TBC1D32: variants seen among roughly 807,000 people sequenced by gnomAD.
The protein encoded by TBC1D32 is TBC1 domain family member 32.
Under a neutral mutation model 170.3 loss-of-function variants are expected in TBC1D32, and 151 were observed. The ratio of observed to expected loss-of-function variants is 0.89; its 90% confidence interval spans 0.78 to 1.01. The LOEUF is 1.01. Ranked by LOEUF, TBC1D32 falls within the 50% of genes least tolerant of loss-of-function variation. The pLI is 0.00. For missense variants in TBC1D32, 1,464 were observed against 1,457.1 expected (o/e 1.00, Z -0.08); for synonymous variants, 498 against 488.0 (o/e 1.02, Z -0.27).
chr6:121,100,211 T>G lies in TBC1D32; in HGVS notation c.3465+5812A>C, dbSNP rs539228033. On this transcript the variant is annotated intron_variant, in intron 30 of 31. Transcript: ENST00000398212. ...ACTATGTGGTCAATTTTGGAATAAG[T>G]GCGATGTGGTGCTGAGAAGAATGTA... Among the ~76,000 whole-genome samples, 6 of 152,102 alleles carry G rather than the reference T, an allele frequency of 3.9e-5. No homozygotes were observed. The South Asian group carries it at 1.0e-3, about 26-fold the overall frequency.
chr6:121,268,987 C>G (rs979187404), intron 15 of TBC1D32, among the ~76,000 whole-genome samples: 1 of 152,102 alleles, frequency 6.6e-6, no homozygotes, highest in South Asian at 2.1e-4. Flanking sequence ...AATTTTCAAC[C>G]CAGAATTTCA....
chr6:121,252,697 T>C (rs1460782852), intron 17 of TBC1D32, among the ~76,000 whole-genome samples: 1 of 152,076 alleles, frequency 6.6e-6, no homozygotes, highest in African/African-American at 2.4e-5. Context: ...GTAACAAACC[T>C]GCATATTCTG....
intron 22 of TBC1D32, among the ~76,000 whole-genome samples, chr6:121,168,577 G>T (rs1350336667): frequency 1.7e-3 from 147 of 85,866 alleles, no homozygotes; most frequent in Non-Finnish European, 2.4e-3. Flanking sequence ...TCGGGGGAGG[G>T]GGGAGGGATA....
chr6:121,239,280 C>A, intron 19 of TBC1D32, 92 bp from the exon 20 acceptor site: 1 of 669,166 alleles, frequency 1.5e-6, no homozygotes. Flanking sequence ...TGAATCTGGT[C>A]TACTCTGACA....
intron 12 of TBC1D32, among the ~76,000 whole-genome samples, chr6:121,284,350 C>T (rs1440370463): frequency 6.6e-6 from 1 of 151,958 alleles, no homozygotes; most frequent in Non-Finnish European, 1.5e-5. Flanking sequence ...ATTTTGTGGC[C>T]AAATGGTCTC....
At chr6:121,269,699 T>G (rs942832154) in intron 15 of TBC1D32, among the ~76,000 whole-genome samples, 10 of 152,062 alleles carry the variant, frequency 6.6e-5, no homozygotes, top group Non-Finnish European at 1.5e-4. Context: ...ATTAGACAGA[T>G]CAAAGAGATA....
chr6:121,241,579 T>C (rs780686918), intron 18 of TBC1D32, 27 bp from the exon 19 acceptor site: 9 of 1,586,788 alleles, frequency 5.7e-6, no homozygotes, highest in Admixed American at 1.7e-5. Context: ...GGAACAGCAA[T>C]GAAAAGCAAC....
intron 21 of TBC1D32, among the ~76,000 whole-genome samples, chr6:121,211,232 G>GA (rs1380883801): frequency 6.6e-6 from 1 of 152,092 alleles, no homozygotes; most frequent in East Asian, 1.9e-4. Context: ...ATAAGTAACA[G>GA]AAAAATGCAA....
At chr6:121,102,143 C>G (rs931472906) in intron 30 of TBC1D32, among the ~76,000 whole-genome samples, 1 of 151,934 alleles carries the variant, frequency 6.6e-6, no homozygotes, top group African/African-American at 2.4e-5. Context: ...GAATCAACAC[C>G]GTGAAAATGG....
chr6:121,110,531 T>A (rs909868987), intron 29 of TBC1D32, among the ~76,000 whole-genome samples: 1 of 152,106 alleles, frequency 6.6e-6, no homozygotes, highest in East Asian at 1.9e-4. Flanking sequence ...ATTACAATAA[T>A]GTGAGGCTGA....
At position 121,101,719 on chromosome 6, in the gene TBC1D32, T is replaced by G. The variant is rs533380601; in HGVS notation, c.3465+4304A>C. Among the ~76,000 whole-genome samples, 63 of 152,248 alleles carry G rather than the reference T, an allele frequency of 4.1e-4. 1 individual carries two copies. In the East Asian group the frequency reaches 5.8e-3, roughly 14 times the overall value. On this transcript the variant is annotated intron_variant, in intron 30 of 31. Transcript: ENST00000398212. ...CTCTCACCACTCCTATTCAACATAG[T>G]GTTGGAAGTTCTGGCCAGGGCATTC...
Position 121,126,238 on chromosome 6 carries a change from G to A in TBC1D32, c.2983+140C>T, listed in dbSNP as rs146234871. Reference sequence around the variant, plus strand: ...CATTTACAAAGAAAAGAGGCTTAATGATATCTGGAATGTATATGGCACCAA... The same window carrying A: ...CATTTACAAAGAAAAGAGGCTTAATAATATCTGGAATGTATATGGCACCAA... On this transcript the variant is annotated intron_variant, in intron 26 of 31. Transcript: ENST00000398212. 5.5e-3 allele frequency: 2,931 copies of A among 534,416 alleles called. 13 individuals carry two copies. The highest frequency in any genetic ancestry group is 0.016 in the Middle Eastern group (32 of 2,010). The allele number at this position is 534,416 out of a possible 1,614,324, so 33.1% of individuals were successfully genotyped here.
At chr6:121,121,848 A>G (rs1780303361) in intron 26 of TBC1D32, among the ~76,000 whole-genome samples, 1 of 152,050 alleles carries the variant, frequency 6.6e-6, no homozygotes, top group South Asian at 2.1e-4. Flanking sequence ...ATTAGACACT[A>G]AGTCAGAATT....
intron 9 of TBC1D32, 22 bp downstream of exon 9, chr6:121,303,595 A>G (rs1422597685): frequency 1.3e-6 from 2 of 1,518,050 alleles, no homozygotes; most frequent in South Asian, 1.3e-5. Context: ...AAAAGGTATA[A>G]AAATATTCTA....
intron 30 of TBC1D32, among the ~76,000 whole-genome samples, chr6:121,104,012 TTACACTACA>T (rs1778432365): frequency 6.6e-6 from 1 of 151,854 alleles, no homozygotes; most frequent in South Asian, 2.1e-4. Context: ...GAGTATTCCT[TTACACTACA>T]TGCAATTCAT....
At chr6:121,158,065 A>C (rs1235878842) in intron 24 of TBC1D32, among the ~76,000 whole-genome samples, 1 of 152,168 alleles carries the variant, frequency 6.6e-6, no homozygotes, top group African/African-American at 2.4e-5. Flanking sequence ...AAACTTGGGA[A>C]AATTTTGATG....
At chr6:121,221,059 T>G (rs1415353686) in intron 21 of TBC1D32, among the ~76,000 whole-genome samples, 1 of 152,158 alleles carries the variant, frequency 6.6e-6, no homozygotes, top group Non-Finnish European at 1.5e-5. Flanking sequence ...ACAGGCGAAC[T>G]CTCTTCTTAA....
chr6:121,113,242 T>C (rs1375788350), intron 27 of TBC1D32, 65 bp from the exon 28 acceptor site: 2 of 1,040,148 alleles, frequency 1.9e-6, no homozygotes, highest in Non-Finnish European at 2.9e-6. Context: ...TAAAATTACT[T>C]CTTTTAGCAT....
intron 22 of TBC1D32, among the ~76,000 whole-genome samples, chr6:121,188,907 T>C (rs1176655622): frequency 6.6e-6 from 1 of 152,110 alleles, no homozygotes; most frequent in Non-Finnish European, 1.5e-5. Flanking sequence ...CCACACAGAA[T>C]CTGGACCTTT....
Sources: allele counts gnomAD v4.1 joint callset (sites outside exome capture counted in the v4.1 genomes callset), GRCh38; gene constraint gnomAD v4.1.1; transcripts MANE v1.5; gene names NCBI Gene and HGNC (gene_info 2026-07-23, HGNC 2026-07-21).